MSRB3: variants seen among roughly 807,000 people sequenced by gnomAD.
MSRB3 encodes methionine-R-sulfoxide reductase B3.
A neutral mutation model predicts 21.0 loss-of-function variants in MSRB3; 13 were observed. The observed-to-expected ratio is 0.62, with a 90% CI of 0.40 to 0.98. The LOEUF (loss-of-function observed/expected upper bound fraction) is 0.98, where lower values mean the gene tolerates loss of function less well. MSRB3 is among the 50% of genes least tolerant of loss of function. MSRB3 has a pLI of 0.00. For synonymous variants in MSRB3, 87 were observed against 88.6 expected, an observed-to-expected ratio of 0.98 and a Z score of 0.10; for missense variants, 199 against 230.3, an observed-to-expected ratio of 0.86 and a Z score of 0.88.
chr12:65,303,607 G>C (rs56190543), intron 1 of MSRB3, among the ~76,000 whole-genome samples: 1 of 151,868 alleles, frequency 6.6e-6, no homozygotes, highest in Non-Finnish European at 1.5e-5. Flanking sequence ...ACATATAATC[G>C]GTCATTTTCA....
In MSRB3 at chr12:65,345,812, A is replaced by T. The variant is rs185388935; in HGVS notation, c.263+17209A>T. Among the ~76,000 whole-genome samples, 965 of 152,088 alleles carry T rather than the reference A, an allele frequency of 6.3e-3. 7 individuals carry two copies. Among genetic ancestry groups the T allele is most frequent in the African/African-American group, 0.022 (898 of 41,478 alleles). ...TGTTCTCATTGTTCAATTCCCACCT[A>T]TGAGTGAGAACATGTGGTGTTTGGT... On this transcript the variant is annotated intron_variant, in intron 4 of 6. Coordinates refer to ENST00000308259, the MANE Select transcript of MSRB3 (RefSeq NM_001031679.3).
intron 1 of MSRB3, among the ~76,000 whole-genome samples, chr12:65,302,559 A>G (rs1873398620): frequency 6.6e-6 from 1 of 151,298 alleles, no homozygotes; most frequent in South Asian, 2.1e-4. Flanking sequence ...GAATTGAGTA[A>G]GTTAAAAAAA....
At chr12:65,398,053 G>T (rs1879911576) in intron 5 of MSRB3, among the ~76,000 whole-genome samples, 1 of 152,182 alleles carries the variant, frequency 6.6e-6, no homozygotes, top group South Asian at 2.1e-4. Flanking sequence ...ATTGTGAACA[G>T]TGCTGCAATA....
At chr12:65,438,748 G>A (rs1361585944) in intron 5 of MSRB3, among the ~76,000 whole-genome samples, 1 of 151,714 alleles carries the variant, frequency 6.6e-6, no homozygotes, top group African/African-American at 2.4e-5. Context: ...ATCTTGATAT[G>A]GAAGACAATG....
intron 5 of MSRB3, among the ~76,000 whole-genome samples, chr12:65,421,292 C>A (rs1292454903): frequency 6.6e-6 from 1 of 152,018 alleles, no homozygotes; most frequent in Non-Finnish European, 1.5e-5. Flanking sequence ...TATCCTTTGC[C>A]CACTTTTTAA....
chr12:65,388,133 C>G (rs1431676461), intron 5 of MSRB3, among the ~76,000 whole-genome samples: 2 of 152,064 alleles, frequency 1.3e-5, no homozygotes, highest in Admixed American at 6.5e-5. Context: ...ACATATTTAA[C>G]AAGTTTAAAA....
chr12:65,357,447 C>A (rs1877451644), intron 4 of MSRB3, among the ~76,000 whole-genome samples: 1 of 151,898 alleles, frequency 6.6e-6, no homozygotes, highest in South Asian at 2.1e-4. Context: ...TTCACATATA[C>A]CCTCTCACCC....
chr12:65,434,087 A>G (rs1310252440), intron 5 of MSRB3, among the ~76,000 whole-genome samples: 1 of 151,944 alleles, frequency 6.6e-6, no homozygotes, highest in Middle Eastern at 3.2e-3. Context: ...CTCCTCATTT[A>G]GTGTATGGGG....
Position 65,308,619 on chromosome 12 carries a change from C to A in MSRB3, c.40C>A (p.Gln14Lys). 6.2e-7 allele frequency: 1 copy of A among 1,613,984 alleles called. No homozygotes were observed. The highest frequency in any genetic ancestry group is 8.5e-7 in the Non-Finnish European group (1 of 1,179,894). ...FNLLHLVTKS[Q>K]PVALRACGLP... ...CCTGCTGCATTTGGTGACAAAGAGC[C>A]AGCCAGTAGCCCTTCGAGCCTGTGG... The change falls in exon 2 of 7, where the codon CAG becomes AAG. Residue 14 changes from glutamine (Q) to lysine (K), a missense_variant. Gln to Lys is a moderately conservative substitution (Grantham distance 53, BLOSUM62 1). Transcript: ENST00000308259.
At chr12:65,399,495 A>G (rs905580171) in intron 5 of MSRB3, among the ~76,000 whole-genome samples, 9 of 152,062 alleles carry the variant, frequency 5.9e-5, no homozygotes, top group Admixed American at 5.2e-4. Context: ...GCTTAAGGAG[A>G]TTTTGGGCTG....
intron 5 of MSRB3, among the ~76,000 whole-genome samples, chr12:65,384,525 A>G (rs1038954836): frequency 6.6e-6 from 1 of 152,194 alleles, no homozygotes; most frequent in Non-Finnish European, 1.5e-5. Flanking sequence ...GAAGAAGATT[A>G]AAATATTTTC....
At chr12:65,318,960 C>T (rs573214590) in intron 2 of MSRB3, among the ~76,000 whole-genome samples, 7 of 152,082 alleles carry the variant, frequency 4.6e-5, no homozygotes, top group East Asian at 1.9e-4. Context: ...TACAGTCATT[C>T]GGGTGAATTA....
At chr12:65,398,465 T>C (rs181626090) in intron 5 of MSRB3, among the ~76,000 whole-genome samples, 4 of 152,344 alleles carry the variant, frequency 2.6e-5, no homozygotes, top group Admixed American at 2.6e-4. Context: ...TTTGTTTTTT[T>C]CTTGTAAATT....
intron 1 of MSRB3, among the ~76,000 whole-genome samples, chr12:65,287,000 G>GT (rs1415613632): frequency 9.1e-6 from 1 of 110,214 alleles, no homozygotes; most frequent in Non-Finnish European, 1.7e-5. Flanking sequence ...CATTCTGGGT[G>GT]ACAGAGCGAG....
intron 4 of MSRB3, among the ~76,000 whole-genome samples, chr12:65,352,630 A>G (rs1376821246): frequency 6.6e-6 from 1 of 151,920 alleles, no homozygotes; most frequent in Non-Finnish European, 1.5e-5. Flanking sequence ...AGGATACAAA[A>G]TCAATGTACA....
chr12:65,338,749 G>C (rs761567592), intron 4 of MSRB3, among the ~76,000 whole-genome samples: 4 of 152,134 alleles, frequency 2.6e-5, no homozygotes, highest in Non-Finnish European at 4.4e-5. Flanking sequence ...TTTTCCTCCA[G>C]GCATTTGCCA....
chr12:65,349,149 A>G (rs1876753231), intron 4 of MSRB3, among the ~76,000 whole-genome samples: 1 of 152,036 alleles, frequency 6.6e-6, no homozygotes, highest in African/African-American at 2.4e-5. Flanking sequence ...ATGAGTGAGA[A>G]TATGCAGTAT....
intron 6 of MSRB3, among the ~76,000 whole-genome samples, chr12:65,455,628 A>G (rs1420726043): frequency 2.6e-5 from 4 of 152,142 alleles, no homozygotes; most frequent in Admixed American, 6.5e-5. Context: ...GAATTGGGGT[A>G]CTCTCCAGAG....
intron 5 of MSRB3, among the ~76,000 whole-genome samples, chr12:65,443,227 A>G (rs946524713): frequency 2.6e-5 from 4 of 151,380 alleles, no homozygotes; most frequent in Non-Finnish European, 4.4e-5. Flanking sequence ...CAAAGAGAAT[A>G]GATACCAGAT....
Sources: allele counts gnomAD v4.1 joint callset (sites outside exome capture counted in the v4.1 genomes callset), GRCh38; gene constraint gnomAD v4.1.1; transcripts MANE v1.5; gene names NCBI Gene and HGNC (gene_info 2026-07-23, HGNC 2026-07-21).